The following EBF1 variants were observed in gnomAD, a reference collection of about 807,000 sequenced individuals.
EBF1 encodes EBF transcription factor 1, also known as transcription factor COE1.
EBF1 carries 10 observed loss-of-function variants against 68.4 expected under a neutral mutation model. The observed-to-expected ratio is 0.15, with a 90% CI of 0.09 to 0.25. The LOEUF (loss-of-function observed/expected upper bound fraction) is 0.25. Among genes scored for constraint, EBF1 ranks in the 10% least tolerant of loss-of-function variants. The probability of loss-of-function intolerance (pLI) is 1.00; values close to 1 mark genes in which losing one functional copy is unlikely to be tolerated. For missense variants in EBF1, 509 were observed against 794.4 expected (o/e 0.64, Z 4.32); for synonymous variants, 298 against 299.8 (o/e 0.99, Z 0.06).
At chr5:158,784,159 C>T (rs1363518830) in intron 9 of EBF1, among the ~76,000 whole-genome samples, 1 of 152,148 alleles carries the variant, frequency 6.6e-6, no homozygotes, top group Non-Finnish European at 1.5e-5. Flanking sequence ...CAGTGATTTA[C>T]ATCCTGTAGT....
intron 8 of EBF1, among the ~76,000 whole-genome samples, chr5:158,805,227 G>T (rs1582049824): frequency 6.6e-6 from 1 of 152,146 alleles, no homozygotes; most frequent in African/African-American, 2.4e-5. Context: ...GACTATTTAA[G>T]TCTTTATTCA....
intron 6 of EBF1, among the ~76,000 whole-genome samples, chr5:158,906,388 C>G (rs997469554): frequency 1.3e-5 from 2 of 151,186 alleles, no homozygotes; most frequent in African/African-American, 2.4e-5. Flanking sequence ...AAAAAAGCAT[C>G]CTTTTTCCAG....
intron 6 of EBF1, among the ~76,000 whole-genome samples, chr5:158,878,756 T>C (rs1582826440): frequency 6.6e-6 from 1 of 152,036 alleles, no homozygotes; most frequent in South Asian, 2.1e-4. Flanking sequence ...TGAGTCTCTT[T>C]CCTCAGCCTC....
At chr5:158,869,422 G>A (rs1428478703) in intron 6 of EBF1, among the ~76,000 whole-genome samples, 3 of 152,150 alleles carry the variant, frequency 2.0e-5, no homozygotes, top group Non-Finnish European at 2.9e-5. Context: ...CATTCAGTCT[G>A]TGGGGTCACA....
intron 10 of EBF1, among the ~76,000 whole-genome samples, chr5:158,774,280 G>C (rs1453613650): frequency 6.6e-6 from 1 of 151,984 alleles, no homozygotes; most frequent in Non-Finnish European, 1.5e-5. Flanking sequence ...ATCTGTGCTT[G>C]GTCAGATTCT....
In EBF1 at chr5:158,845,033, G is replaced by A. The variant is rs115293626; in HGVS notation, c.555-4923C>T. 2.8e-3 allele frequency among the ~76,000 whole-genome samples: 423 copies of A among 152,278 alleles called. 1 individual carries two copies. The highest frequency in any genetic ancestry group is 9.6e-3 in the African/African-American group (399 of 41,566). ...GGAAAATTAATTCAATTAGTCAGCA[G>A]GATCTGACTCACCTACATAAGGATA... On this transcript the variant is annotated intron_variant, in intron 6 of 15. Transcript: ENST00000313708.
At chr5:159,039,403 T>C (rs1770743432) in intron 6 of EBF1, among the ~76,000 whole-genome samples, 1 of 152,264 alleles carries the variant, frequency 6.6e-6, no homozygotes, top group Non-Finnish European at 1.5e-5. Context: ...CATGTCAGGT[T>C]GTTATATTGT....
At chr5:159,063,992 T>TA (rs1044047872) in intron 6 of EBF1, among the ~76,000 whole-genome samples, 89 of 152,266 alleles carry the variant, frequency 5.8e-4, no homozygotes, top group Middle Eastern at 3.4e-3. Flanking sequence ...CTCCAAAATC[T>TA]ATGCCTTTGC....
chr5:158,892,559 C>T (rs903673415), intron 6 of EBF1, among the ~76,000 whole-genome samples: 2 of 152,178 alleles, frequency 1.3e-5, no homozygotes, highest in African/African-American at 4.8e-5. Context: ...AATTCCACTC[C>T]TGGCCTCATG....
chr5:158,779,177 C>A lies in EBF1; in HGVS notation c.910-1638G>T, dbSNP rs144891203. ...TACCCAGGAGGTATCTACCACATTG[C>A]TGGATATTTTACATACAAACACTAA... On this transcript the variant is annotated intron_variant, in intron 9 of 15. Coordinates refer to ENST00000313708, the MANE Select transcript of EBF1 (RefSeq NM_024007.5). Among the ~76,000 whole-genome samples, 1,129 of 152,170 alleles carry A rather than the reference C, an allele frequency of 7.4e-3. 20 individuals carry two copies. Among genetic ancestry groups the A allele is most frequent in the African/African-American group, 0.026 (1,073 of 41,524 alleles).
chr5:158,821,449 A>G (rs1446539463), intron 8 of EBF1, among the ~76,000 whole-genome samples: 1 of 152,232 alleles, frequency 6.6e-6, no homozygotes, highest in East Asian at 1.9e-4. Flanking sequence ...TCCCAAGAGC[A>G]GAAATAGGAG....
At chr5:158,763,476 G>T (rs2127625240) in intron 10 of EBF1, among the ~76,000 whole-genome samples, 1 of 152,212 alleles carries the variant, frequency 6.6e-6, no homozygotes, top group East Asian at 1.9e-4. Context: ...CTTTTCTGTG[G>T]GGCTTTGATT....
intron 14 of EBF1, among the ~76,000 whole-genome samples, 176 bp from the exon 15 acceptor site, chr5:158,708,349 C>A (rs917214021): frequency 1.3e-5 from 2 of 152,216 alleles, no homozygotes; most frequent in Non-Finnish European, 2.9e-5. Context: ...CAGAACTTAG[C>A]ACGTGCTACC....
chr5:158,771,166 T>G (rs1184058005), intron 10 of EBF1, among the ~76,000 whole-genome samples: 5 of 152,130 alleles, frequency 3.3e-5, no homozygotes. Flanking sequence ...AACATCAAAC[T>G]CTAATGACAA....
intron 1 of EBF1, among the ~76,000 whole-genome samples, chr5:159,097,797 T>A (rs1387883217): frequency 7.9e-5 from 12 of 151,990 alleles, no homozygotes; most frequent in Admixed American, 7.9e-4. Context: ...TCCGCAGAAA[T>A]CCTCACACTC....
intron 6 of EBF1, among the ~76,000 whole-genome samples, chr5:158,978,797 TACACACACACACACACACACAC>T (rs57930371): frequency 7.0e-6 from 1 of 142,926 alleles, no homozygotes; most frequent in Non-Finnish European, 1.5e-5. Flanking sequence ...CACACACACA[TACACACACACACACACACACAC>T]ACACACACAC....
intron 10 of EBF1, among the ~76,000 whole-genome samples, chr5:158,753,803 T>C (rs1043371284): frequency 1.3e-5 from 2 of 152,126 alleles, no homozygotes; most frequent in African/African-American, 4.8e-5. Context: ...CCACCATAGC[T>C]TTCTCAAATT....
chr5:158,999,387 A>G (rs2127638402), intron 6 of EBF1, among the ~76,000 whole-genome samples: 1 of 152,370 alleles, frequency 6.6e-6, no homozygotes, highest in African/African-American at 2.4e-5. Context: ...TAAGTCTTTT[A>G]GAGAACTCCT....
chr5:158,697,663 G>A lies in EBF1; in HGVS notation c.*1448C>T. 1 of 202,634 alleles carries A rather than the reference G, an allele frequency of 4.9e-6. No homozygotes were observed. Among genetic ancestry groups the A allele is most frequent in the Non-Finnish European group, 1.0e-5 (1 of 98,882 alleles). 12.6% of individuals were successfully genotyped at this position (202,634 alleles called of 1,614,324 possible). A position where few individuals can be genotyped will look rare whatever the true frequency, so the allele number is the denominator to read the frequency against. ...TAAAGGTAGTGAGCTTTTTTTCTTT[G>A]CAAAATACGCAGTAAAATCTTTTTG... On this transcript the variant is annotated 3_prime_UTR_variant, in exon 16 of 16. Transcript: ENST00000313708.
Sources: allele counts gnomAD v4.1 joint callset (sites outside exome capture counted in the v4.1 genomes callset), GRCh38; gene constraint gnomAD v4.1.1; transcripts MANE v1.5; gene names NCBI Gene and HGNC (gene_info 2026-07-23, HGNC 2026-07-21).